KIAA0513: variants seen among roughly 807,000 people sequenced by gnomAD.
The protein encoded by KIAA0513 is uncharacterized protein KIAA0513.
KIAA0513 carries 39 observed loss-of-function variants against 56.5 expected under a neutral mutation model. That is an observed-to-expected ratio of 0.69 (90% CI 0.53 to 0.90). The LOEUF is 0.90. KIAA0513 is among the 40% of genes least tolerant of loss of function. The pLI, the probability that KIAA0513 is intolerant of heterozygous loss-of-function variation, is 0.00. For missense variants in KIAA0513, 591 were observed against 535.2 expected (o/e 1.10, Z -1.03); for synonymous variants, 268 against 215.6 (o/e 1.24, Z -2.13).
At chr16:85,075,346 G>A (rs1381198802) in intron 4 of KIAA0513, among the ~76,000 whole-genome samples, 2 of 152,158 alleles carry the variant, frequency 1.3e-5, no homozygotes, top group Admixed American at 6.5e-5. Flanking sequence ...CAAGGCAAAG[G>A]AATGGCCCGA....
chr16:85,093,851 A>C lies in KIAA0513; in HGVS notation c.*5526A>C, dbSNP rs2073895332. 1 of 152,228 alleles carries C rather than the reference A, an allele frequency of 6.6e-6. No individual in the cohort carries two copies. Among genetic ancestry groups the C allele is most frequent in the Non-Finnish European group, 1.5e-5 (1 of 68,056 alleles). 9.4% of individuals were successfully genotyped at this position (152,228 alleles called of 1,614,324 possible). A position where few individuals can be genotyped will look rare whatever the true frequency, so the allele number is the denominator to read the frequency against. On this transcript the variant is annotated 3_prime_UTR_variant, in exon 13 of 13. Coordinates refer to ENST00000683363, the MANE Select transcript of KIAA0513 (RefSeq NM_001388359.1). The stretch of plus-strand genomic sequence containing the variant: ...CACATGGATCCCCTTAAAACATGTA[A>C]ATGTGTCAGAACACGGTTGACCTGC...
intron 1 of KIAA0513, among the ~76,000 whole-genome samples, chr16:85,061,605 C>T (rs2073405640): frequency 1.3e-5 from 2 of 152,160 alleles, no homozygotes; most frequent in Middle Eastern, 3.2e-3. Flanking sequence ...AAGGGGCAGG[C>T]TCACAGAAAG....
At chr16:85,045,300 C>A (rs763142451) in intron 1 of KIAA0513, among the ~76,000 whole-genome samples, 1 of 152,166 alleles carries the variant, frequency 6.6e-6, no homozygotes, top group Non-Finnish European at 1.5e-5. Context: ...TGGCCAAGCA[C>A]TCACTGTTCT....
chr16:85,048,855 A>C (rs1190391747), intron 1 of KIAA0513, among the ~76,000 whole-genome samples: 2 of 152,242 alleles, frequency 1.3e-5, no homozygotes, highest in African/African-American at 2.4e-5. Flanking sequence ...ACAGTAGAAC[A>C]CAATAACAAT....
chr16:85,032,806 A>G (rs1187127293), intron 1 of KIAA0513, among the ~76,000 whole-genome samples: 2 of 151,840 alleles, frequency 1.3e-5, no homozygotes, highest in Non-Finnish European at 2.9e-5. Context: ...AATTTTTTGT[A>G]TTTTTAGTAG....
rs186484529 is a variant in KIAA0513 at position 85,081,536 on chromosome 16, C to T, written c.980+144C>T. 3,535 of 741,960 alleles carry T rather than the reference C, an allele frequency of 4.8e-3. 103 individuals carry two copies. The Admixed American group carries it at 0.058, about 12-fold the overall frequency. 46.0% of individuals were successfully genotyped at this position (741,960 alleles called of 1,614,324 possible). On this transcript the variant is annotated intron_variant, in intron 9 of 12. Coordinates refer to ENST00000683363, the MANE Select transcript of KIAA0513 (RefSeq NM_001388359.1). The surrounding 1 kb of genome is among the most constrained non-coding windows in gnomAD (Gnocchi z 4.4). ...TCACCCCCTCATGGCCCTGGTGCCT[C>T]GCAAGCTGCCTGAGGGGTCACAGCT...
At chr16:85,048,362 T>A (rs1415283663) in intron 1 of KIAA0513, among the ~76,000 whole-genome samples, 1 of 152,226 alleles carries the variant, frequency 6.6e-6, no homozygotes, top group Non-Finnish European at 1.5e-5. Context: ...AAGGGGTTTC[T>A]AAGAGTCAAG....
At chr16:85,035,747 G>A (rs956070564) in intron 1 of KIAA0513, among the ~76,000 whole-genome samples, 2 of 152,170 alleles carry the variant, frequency 1.3e-5, no homozygotes, top group African/African-American at 4.8e-5. Flanking sequence ...GGGAGGCTGA[G>A]GCGGGCGGAT....
chr16:85,083,407 G>A (rs561227964), intron 10 of KIAA0513, among the ~76,000 whole-genome samples: 5 of 152,332 alleles, frequency 3.3e-5, no homozygotes, highest in Admixed American at 6.5e-5. Flanking sequence ...ATGAGCAATC[G>A]TGTTTCTTAT....
At chr16:85,029,463 C>T (rs549380913) in intron 1 of KIAA0513, among the ~76,000 whole-genome samples, 1 of 152,336 alleles carries the variant, frequency 6.6e-6, no homozygotes, top group East Asian at 1.9e-4. Flanking sequence ...TGCCAAATCC[C>T]AGAAAGTGGT....
At chr16:85,060,052 C>T (rs1187842169) in intron 1 of KIAA0513, among the ~76,000 whole-genome samples, 1 of 152,188 alleles carries the variant, frequency 6.6e-6, no homozygotes, top group African/African-American at 2.4e-5. Context: ...CCTCCGCTTC[C>T]CGGGCTCAAG....
rs60578037 is a variant in KIAA0513, at chr16:85,091,938, ATTT to A, written c.*3633_*3635del. 0.097 allele frequency: 12,498 copies of A among 129,278 alleles called. 952 individuals carry two copies. The highest frequency in any genetic ancestry group is 0.23 in the African/African-American group (7,841 of 33,854). The allele number at this position is 129,278 out of a possible 1,614,324, so 8.0% of individuals were successfully genotyped here. A position where few individuals can be genotyped will look rare whatever the true frequency, so the allele number is the denominator to read the frequency against. ...TTCCTGGGTCCCACTATCTGTTGGC[ATTT>A]TTTTTTTTTTTTTTTTTTTAGACGG... On this transcript the variant is annotated 3_prime_UTR_variant, in exon 13 of 13. Transcript: ENST00000683363.
At chr16:85,080,332 G>T (rs555459165) in intron 8 of KIAA0513, among the ~76,000 whole-genome samples, 1 of 152,194 alleles carries the variant, frequency 6.6e-6, no homozygotes, top group Non-Finnish European at 1.5e-5. Context: ...CGGGCCAGAT[G>T]GTCTCTGCTG....
rs1165729781 is a variant in KIAA0513 at position 85,078,543 on chromosome 16, C to T, written c.823+88C>T. ...CAGGTGCACGGCCTCTGGGGCTTTC[C>T]TGCCTCCACGGAGCATGGGCACCTT... On this transcript the variant is annotated intron_variant, in intron 7 of 12. Transcript: ENST00000683363. 2.4e-5 allele frequency: 32 copies of T among 1,306,154 alleles called. No individual in the cohort carries two copies. The Admixed American group carries it at 2.8e-4, about 11-fold the overall frequency. 80.9% of individuals were successfully genotyped at this position (1,306,154 alleles called of 1,614,324 possible).
chr16:85,071,665 G>T lies in KIAA0513; in HGVS notation c.330-118G>T. 2.5e-6 allele frequency: 2 copies of T among 784,862 alleles called. 1 individual carries two copies. The highest frequency in any genetic ancestry group is 3.7e-5 in the South Asian group (2 of 54,292). The allele number at this position is 784,862 out of a possible 1,614,324, so 48.6% of individuals were successfully genotyped here. On this transcript the variant is annotated intron_variant, in intron 2 of 12. Transcript: ENST00000683363. ...CTGAGATGAGCTGATGGGAGTTGGG[G>T]TCTGTGCTTGGCTGGGGAATATTTC...
At chr16:85,060,860 A>G (rs2143975615) in intron 1 of KIAA0513, among the ~76,000 whole-genome samples, 1 of 149,700 alleles carries the variant, frequency 6.7e-6, no homozygotes, top group East Asian at 2.0e-4. Context: ...AAAAAAAAAG[A>G]AGAAAGAAAA....
At chr16:85,062,382 A>G (rs937299483) in intron 1 of KIAA0513, among the ~76,000 whole-genome samples, 8 of 152,200 alleles carry the variant, frequency 5.3e-5, no homozygotes, top group Admixed American at 4.6e-4. Context: ...TTAGAATTTT[A>G]GCCTAATTTG....
chr16:85,074,363 CAT>C (rs139843220), intron 4 of KIAA0513, among the ~76,000 whole-genome samples: 20 of 150,822 alleles, frequency 1.3e-4, no homozygotes, highest in Middle Eastern at 3.4e-3. Flanking sequence ...CACACACACA[CAT>C]ATATATTTAG....
chr16:85,042,419 G>C (rs1460927393), intron 1 of KIAA0513, among the ~76,000 whole-genome samples: 2 of 152,166 alleles, frequency 1.3e-5, no homozygotes, highest in African/African-American at 4.8e-5. Flanking sequence ...TCATCCCCCA[G>C]ATGAGCAAAT....
Sources: gnomAD v4.1 joint callset for allele counts (sites outside exome capture counted in the v4.1 genomes callset) on GRCh38, gnomAD v4.1.1 for gene constraint, Gnocchi (gnomAD v3.1) non-coding constraint, MANE v1.5 for transcripts, NCBI Gene and HGNC (gene_info 2026-07-23, HGNC 2026-07-21) for gene names.